GSAP: variants seen among roughly 807,000 people sequenced by gnomAD.
The protein encoded by GSAP is gamma-secretase activating protein.
A neutral mutation model predicts 131.7 loss-of-function variants in GSAP; 118 were observed. The ratio of observed to expected loss-of-function variants is 0.90; its 90% CI spans 0.77 to 1.04. GSAP has a LOEUF of 1.04. Among genes scored for constraint, GSAP ranks in the 50% least tolerant of loss-of-function variants. The probability of loss-of-function intolerance (pLI) is 0.00; values close to 1 mark genes in which losing one functional copy is unlikely to be tolerated. For missense variants in GSAP, 1,019 were observed against 1,013.2 expected, an observed-to-expected ratio of 1.01 and a Z score of -0.08; for synonymous variants, 381 against 363.4, an observed-to-expected ratio of 1.05 and a Z score of -0.55.
At chr7:77,326,510 T>C (rs1449579995) in intron 22 of GSAP, 1 of 403,768 alleles carries the variant, frequency 2.5e-6, no homozygotes, top group Non-Finnish European at 4.4e-6. Flanking sequence ...CCCAGTAGGC[T>C]CTAGCTTTGA....
intron 18 of GSAP, among the ~76,000 whole-genome samples, chr7:77,352,042 C>A (rs553178527): frequency 6.6e-6 from 1 of 152,078 alleles, no homozygotes; most frequent in African/African-American, 2.4e-5. Context: ...CTAATAACCA[C>A]GACAGTAAAA....
intron 5 of GSAP, among the ~76,000 whole-genome samples, chr7:77,389,136 T>C (rs1443011183): frequency 6.6e-6 from 1 of 151,952 alleles, no homozygotes; most frequent in Admixed American, 6.6e-5. Context: ...GGGGGGAAAA[T>C]GAATTTTTCT....
chr7:77,399,711 G>C (rs142805657), intron 3 of GSAP, among the ~76,000 whole-genome samples: 3 of 151,706 alleles, frequency 2.0e-5, no homozygotes, highest in Admixed American at 6.6e-5. Context: ...GGTGGGGGGG[G>C]GCGGGGCAAA....
At chr7:77,416,004 C>T in intron 1 of GSAP, 1 of 430,412 alleles carries the variant, frequency 2.3e-6, no homozygotes, top group South Asian at 4.9e-5. Flanking sequence ...CCACGGCGAC[C>T]TGGCCCGGGC....
intron 26 of GSAP, 74 bp downstream of exon 26, chr7:77,320,651 T>G: frequency 1.2e-6 from 1 of 858,682 alleles, no homozygotes; most frequent in Admixed American, 2.0e-5. Flanking sequence ...AAACTTATAA[T>G]GTACCAAAGG....
intron 19 of GSAP, among the ~76,000 whole-genome samples, chr7:77,349,112 A>G (rs1401197983): frequency 6.6e-6 from 1 of 152,200 alleles, no homozygotes; most frequent in East Asian, 1.9e-4. Flanking sequence ...TAAGTTGAGC[A>G]CCGTAATTCT....
chr7:77,368,676 T>G (rs950582540), intron 12 of GSAP, among the ~76,000 whole-genome samples: 1 of 152,262 alleles, frequency 6.6e-6, no homozygotes, highest in Non-Finnish European at 1.5e-5. Context: ...CTAAGTCTAT[T>G]GCCTCAGGCA....
intron 1 of GSAP, among the ~76,000 whole-genome samples, chr7:77,414,920 A>G (rs767118261): frequency 4.0e-5 from 5 of 124,118 alleles, no homozygotes; most frequent in Non-Finnish European, 6.2e-5. Context: ...TGCAGTGGCG[A>G]GATCTCGGCT....
At chr7:77,318,210 C>G (rs536940967) in intron 26 of GSAP, among the ~76,000 whole-genome samples, 22 of 152,320 alleles carry the variant, frequency 1.4e-4, no homozygotes, top group African/African-American at 4.8e-4. Flanking sequence ...CTCAACCTTT[C>G]TGGCCTCAGT....
chr7:77,404,565 T>A lies in GSAP; in HGVS notation c.237A>T (p.Gln79His). The change falls in exon 3 of 31, where the codon CAA becomes CAT. Residue 79 changes from glutamine (Q) to histidine (H), a missense_variant. Physicochemically the swap from Gln to His is conservative, Grantham distance 24. Coordinates refer to ENST00000257626, the MANE Select transcript of GSAP (RefSeq NM_017439.4). Reference sequence around the variant, plus strand: ...AGTAATCTATGATTTTTACCTCATTTTGTCTGGTTTGACAATCATATAATC... The same window carrying A: ...AGTAATCTATGATTTTTACCTCATTATGTCTGGTTTGACAATCATATAATC... Reference protein sequence around the residue: ...VFGLYDCQTRQNELLYTFEKD... With the variant: ...VFGLYDCQTRHNELLYTFEKD... The A allele has an allele frequency of 6.5e-7, 1 of 1,545,874 alleles. No individual in the cohort carries two copies. Among genetic ancestry groups the A allele is most frequent in the Non-Finnish European group, 8.9e-7 (1 of 1,120,158 alleles).
intron 12 of GSAP, among the ~76,000 whole-genome samples, chr7:77,373,545 C>G (rs1796433918): frequency 6.6e-6 from 1 of 152,190 alleles, no homozygotes; most frequent in Admixed American, 6.5e-5. Context: ...TCATATTCAA[C>G]TTCTCTCATC....
At chr7:77,340,795 A>C (rs10280787) in intron 19 of GSAP, among the ~76,000 whole-genome samples, 21,914 of 151,942 alleles carry the variant, frequency 0.14, 2,034 homozygotes, top group East Asian at 0.44. Context: ...CTTGGTGGCA[A>C]GTCAATTGCG....
chr7:77,355,107 A>G, intron 16 of GSAP, 106 bp downstream of exon 16: 1 of 726,096 alleles, frequency 1.4e-6, no homozygotes, highest in Non-Finnish European at 2.3e-6. Context: ...ACACACCTCA[A>G]TTAATTGTTA....
At chr7:77,403,230 TTG>T (rs1390367583) in intron 3 of GSAP, among the ~76,000 whole-genome samples, 1 of 152,218 alleles carries the variant, frequency 6.6e-6, no homozygotes. Context: ...AGACTGTGTA[TTG>T]TGAGTTTATG....
intron 13 of GSAP, 63 bp downstream of exon 13, chr7:77,362,520 C>T (rs1454628207): frequency 8.1e-6 from 7 of 865,804 alleles, no homozygotes; most frequent in Non-Finnish European, 1.4e-5. Flanking sequence ...TAAGAGCTAT[C>T]TAATTTGCTA....
chr7:77,365,774 G>A (rs531098789), intron 12 of GSAP, among the ~76,000 whole-genome samples: 5 of 152,090 alleles, frequency 3.3e-5, no homozygotes, highest in South Asian at 4.1e-4. Context: ...GGGTCCAATA[G>A]TAGTTCTGCT....
intron 12 of GSAP, among the ~76,000 whole-genome samples, chr7:77,365,507 G>A (rs1795159075): frequency 6.6e-6 from 1 of 152,194 alleles, no homozygotes; most frequent in Non-Finnish European, 1.5e-5. Flanking sequence ...TCCTGCGTTA[G>A]TTTGCTAAGG....
intron 19 of GSAP, among the ~76,000 whole-genome samples, chr7:77,334,221 C>T (rs890376896): frequency 1.3e-5 from 2 of 152,154 alleles, no homozygotes; most frequent in Non-Finnish European, 2.9e-5. Context: ...GGTACATATA[C>T]ACCGTGGAAT....
chr7:77,415,274 G>A (rs1242659090), intron 1 of GSAP, among the ~76,000 whole-genome samples: 1 of 152,212 alleles, frequency 6.6e-6, no homozygotes, highest in Non-Finnish European at 1.5e-5. Context: ...GCGTTTAAGG[G>A]AAAGGAGTTG....
Sources: gnomAD v4.1 joint callset for allele counts (sites outside exome capture counted in the v4.1 genomes callset) on GRCh38, gnomAD v4.1.1 for gene constraint, MANE v1.5 for transcripts, NCBI Gene and HGNC (gene_info 2026-07-23, HGNC 2026-07-21) for gene names.